The following LRRK2 variants were observed in gnomAD, a reference collection of about 807,000 sequenced individuals.
LRRK2 encodes leucine rich repeat kinase 2.
LRRK2 carries 203 observed loss-of-function variants against 302.6 expected under a neutral mutation model. The ratio of observed to expected loss-of-function variants is 0.67; its 90% CI spans 0.60 to 0.75. The LOEUF (loss-of-function observed/expected upper bound fraction) is 0.75, where lower values mean the gene tolerates loss of function less well. Among genes scored for constraint, LRRK2 ranks in the 30% least tolerant of loss-of-function variants. The pLI is 0.00. For synonymous variants in LRRK2, 1,066 were observed against 1,031.9 expected, an observed-to-expected ratio of 1.03 and a Z score of -0.63; for missense variants, 2,830 against 2,951.0, an observed-to-expected ratio of 0.96 and a Z score of 0.95.
rs1946546399 is a variant in LRRK2 at position 40,356,580 on chromosome 12, T to C, written c.6843+393T>C. Among the ~76,000 whole-genome samples, 3 of 152,322 alleles carry C rather than the reference T, an allele frequency of 2.0e-5. No homozygotes were observed. In the South Asian group the frequency reaches 6.2e-4, roughly 32 times the overall value. The stretch of plus-strand genomic sequence containing the variant: ...TTGAAGAAATCATTTAATTTTCTTT[T>C]CTTCAGATTCCTATTTAGTCATTAA... On this transcript the variant is annotated intron_variant, in intron 46 of 50. Transcript: ENST00000298910.
chr12:40,287,443 T>A lies in LRRK2; in HGVS notation c.2593T>A (p.Ser865Thr). The change falls in exon 20 of 51, where the codon TCT (serine) becomes ACT (threonine). Residue 865 changes from serine (S) to threonine (T), a missense_variant. Ser to Thr is a moderately conservative substitution (Grantham distance 58). Transcript: ENST00000298910. ...AGCCTCAGGCAGCGATGGAAATTTT[T>A]CTGAAGATGTGCTGTCTAAATTTGA... ...GTASGSDGNF[S>T]EDVLSKFDEW... The A allele has an allele frequency of 6.2e-7, 1 of 1,612,862 alleles. No individual in the cohort carries two copies. Among genetic ancestry groups the A allele is most frequent in the Non-Finnish European group, 8.5e-7 (1 of 1,179,150 alleles).
At chr12:40,333,079 T>A (rs939764474) in intron 39 of LRRK2, among the ~76,000 whole-genome samples, 1 of 152,174 alleles carries the variant, frequency 6.6e-6, no homozygotes, top group African/African-American at 2.4e-5. Context: ...TGTTTTTTCT[T>A]TGCAATTAGT....
chr12:40,347,171 G>A (rs1046373950), intron 42 of LRRK2, among the ~76,000 whole-genome samples: 8 of 152,134 alleles, frequency 5.3e-5, no homozygotes, highest in African/African-American at 1.7e-4. Context: ...CATAGAGAAG[G>A]AAATTGCTGT....
chr12:40,318,334 T>C (rs1158689524), intron 33 of LRRK2, among the ~76,000 whole-genome samples: 1 of 152,010 alleles, frequency 6.6e-6, no homozygotes, highest in African/African-American at 2.4e-5. Context: ...ACGCTATAGA[T>C]CCACTAGGAA....
rs398124661 is a variant in LRRK2, at chr12:40,364,960, A to T, written c.7300A>T (p.Ile2434Phe). The change falls in exon 49 of 51, where the codon ATT becomes TTT. Residue 2434 changes from isoleucine (I) to phenylalanine (F), a missense_variant. By Grantham distance (21) the Ile-to-Phe change is conservative. Coordinates refer to ENST00000298910, the MANE Select transcript of LRRK2 (RefSeq NM_198578.4). Reference protein sequence around the residue: ...ALWIGTGGGHILLLDLSTRRL... With the variant: ...ALWIGTGGGHFLLLDLSTRRL... ...TTGGATAGGAACTGGAGGAGGCCAT[A>T]TTTTACTCCTGGATCTTTCAACTCG... is the stretch of plus-strand genomic sequence containing the variant. The T allele has an allele frequency of 6.2e-7, 1 of 1,612,670 alleles. No individual in the cohort carries two copies. Among genetic ancestry groups the T allele is most frequent in the African/African-American group, 1.3e-5 (1 of 74,914 alleles).
At chr12:40,286,547 T>A (rs930773137) in intron 19 of LRRK2, 3 of 152,016 alleles carry the variant, frequency 2.0e-5, no homozygotes, top group East Asian at 3.9e-4. Context: ...AGGGGTAATA[T>A]CAAATGATCC....
intron 33 of LRRK2, 27 bp from the exon 34 acceptor site, chr12:40,319,961 T>C: frequency 6.3e-7 from 1 of 1,585,360 alleles, no homozygotes; most frequent in South Asian, 1.1e-5. Flanking sequence ...TAAATTTTAG[T>C]GATTATTTAT....
chr12:40,259,440 G>T, intron 12 of LRRK2, 40 bp from the exon 13 acceptor site: 1 of 1,611,634 alleles, frequency 6.2e-7, no homozygotes, highest in African/African-American at 1.3e-5. Context: ...CATTGAATCA[G>T]ATCAGTCTTT....
At chr12:40,359,587 T>C (rs1946644529) in intron 47 of LRRK2, 143 bp downstream of exon 47, 5 of 831,842 alleles carry the variant, frequency 6.0e-6, no homozygotes, top group South Asian at 4.2e-5. Flanking sequence ...TAAACTTTCA[T>C]TATAAAAAAT....
At chr12:40,306,468 A>G (rs1178463255) in intron 28 of LRRK2, among the ~76,000 whole-genome samples, 4 of 152,196 alleles carry the variant, frequency 2.6e-5, no homozygotes, top group African/African-American at 9.6e-5. Context: ...CTTCTCAAGT[A>G]TCACTGTTTC....
At chr12:40,245,000 GAA>G (rs771819550) in intron 7 of LRRK2, among the ~76,000 whole-genome samples, 19 of 110,992 alleles carry the variant, frequency 1.7e-4, no homozygotes, top group Admixed American at 4.5e-4. Flanking sequence ...TTGCAAGAGT[GAA>G]AAAAAAAAAA....
chr12:40,307,784 T>TTC (rs1944880195), intron 28 of LRRK2, among the ~76,000 whole-genome samples: 2 of 144,782 alleles, frequency 1.4e-5, no homozygotes, highest in South Asian at 2.2e-4. Context: ...TTCTTTTCTT[T>TTC]TTTTTTTTTT....
intron 7 of LRRK2, among the ~76,000 whole-genome samples, chr12:40,249,365 G>T (rs1467767323): frequency 2.0e-5 from 3 of 151,028 alleles, no homozygotes; most frequent in African/African-American, 4.9e-5. Flanking sequence ...TCAAATAATG[G>T]TAAACATGCC....
Position 40,331,603 on chromosome 12 carries a change from A to AT in LRRK2, c.5757+3143_5757+3144insT, listed in dbSNP as rs1447738818. Among the ~76,000 whole-genome samples the AT allele has an allele frequency of 1.8e-4, 27 of 151,998 alleles. No homozygotes were observed. The East Asian group carries it at 5.0e-3, about 28-fold the overall frequency. ...GATGAGCTTAAAAAAATTACAAAAA[A>AT]AAAATCTCATAATGTTTTAAGAAAG... On this transcript the variant is annotated intron_variant, in intron 39 of 50. Transcript: ENST00000298910.
In LRRK2 at chr12:40,354,461, T is replaced by C; in HGVS notation, c.6739T>C (p.Cys2247Arg). Residue 2247 changes from cysteine to arginine, a missense_variant, in exon 45 of 51, where the codon TGT becomes CGT. Transcript: ENST00000298910. Reference protein sequence around the residue: ...TLEKMTDSVTCLYCNSFSKQS... With the variant: ...TLEKMTDSVTRLYCNSFSKQS... Reference sequence around the variant, plus strand: ...AGAAAAGATGACTGATTCTGTCACTTGTTTGTATTGCAATTCCTTTTCCAA... The same window carrying C: ...AGAAAAGATGACTGATTCTGTCACTCGTTTGTATTGCAATTCCTTTTCCAA... The C allele has an allele frequency of 3.1e-6, 5 of 1,614,142 alleles. No homozygotes were observed. The highest frequency in any genetic ancestry group is 4.2e-6 in the Non-Finnish European group (5 of 1,180,010).
chr12:40,232,387 A>G lies in LRRK2; in HGVS notation c.347+4A>G. 1 of 1,600,402 alleles carries G rather than the reference A, an allele frequency of 6.2e-7. No individual in the cohort carries two copies. On this transcript the variant is annotated splice_donor_region_variant and intron_variant, in intron 3 of 50. Transcript: ENST00000298910. ...GGGAAGTCCTTGGTGTTCACCAGTA[A>G]GTATGATAGATATGTAAAACAAATG...
intron 40 of LRRK2, among the ~76,000 whole-genome samples, chr12:40,340,087 A>T (rs943458045): frequency 6.6e-6 from 1 of 152,164 alleles, no homozygotes; most frequent in Admixed American, 6.5e-5. Context: ...ATCAGATTTG[A>T]CCCTTTTTTA....
At chr12:40,313,440 T>A (rs937477776) in intron 31 of LRRK2, among the ~76,000 whole-genome samples, 1 of 152,036 alleles carries the variant, frequency 6.6e-6, no homozygotes, top group Non-Finnish European at 1.5e-5. Flanking sequence ...CAAGGTTCCA[T>A]GAAAAACATA....
chr12:40,238,929 G>A (rs770377583), intron 5 of LRRK2, among the ~76,000 whole-genome samples: 24 of 152,124 alleles, frequency 1.6e-4, no homozygotes, highest in Non-Finnish European at 2.6e-4. Flanking sequence ...AAATGGATGA[G>A]AAAATAGGTG....
Sources: allele counts gnomAD v4.1 joint callset (sites outside exome capture counted in the v4.1 genomes callset), GRCh38; gene constraint gnomAD v4.1.1; transcripts MANE v1.5; gene names NCBI Gene and HGNC (gene_info 2026-07-23, HGNC 2026-07-21).